RAB38: variants seen among roughly 807,000 people sequenced by gnomAD.
RAB38 encodes RAB38, member RAS oncogene family.
A neutral mutation model predicts 18.4 loss-of-function variants in RAB38; 15 were observed. The observed-to-expected ratio is 0.82, with a 90% CI of 0.55 to 1.26. The LOEUF is 1.26. RAB38 is among the 50% of genes most tolerant of loss of function. The pLI is 0.00. For synonymous variants in RAB38, 101 were observed against 104.4 expected, an observed-to-expected ratio of 0.97 and a Z score of 0.20; for missense variants, 294 against 267.4, an observed-to-expected ratio of 1.10 and a Z score of -0.69.
the RAB38 span, chr11:88,098,161 T>C: frequency 6.6e-6 from 1 of 151,932 alleles, no homozygotes; most frequent in Non-Finnish European, 1.5e-5. Flanking sequence ...GTCAGAAATT[T>C]GGTACACAGC....
At chr11:88,054,878 C>A in the RAB38 span, among the ~76,000 whole-genome samples, 3 of 152,088 alleles carry the variant, frequency 2.0e-5, no homozygotes, top group South Asian at 2.1e-4. Flanking sequence ...TAAGACAAAG[C>A]CTTGGGCATG....
the RAB38 span, among the ~76,000 whole-genome samples, chr11:88,018,234 C>T: frequency 4.6e-5 from 7 of 152,212 alleles, no homozygotes; most frequent in African/African-American, 1.4e-4. Context: ...AGTCTGTACC[C>T]GTATACACTT....
chr11:87,808,826 A>T, the RAB38 span, among the ~76,000 whole-genome samples: 2 of 152,262 alleles, frequency 1.3e-5, no homozygotes, highest in African/African-American at 4.8e-5. Flanking sequence ...AAAATACAAA[A>T]ATACATATAT....
chr11:87,837,679 A>G, the RAB38 span, among the ~76,000 whole-genome samples: 7 of 152,220 alleles, frequency 4.6e-5, no homozygotes. Flanking sequence ...TTTTATACAT[A>G]GGCTATCTAT....
chr11:87,862,368 A>T, the RAB38 span, among the ~76,000 whole-genome samples: 36,807 of 151,812 alleles, frequency 0.24, 5,816 homozygotes, highest in African/African-American at 0.45. Flanking sequence ...TGGGGCATGG[A>T]TGGGGGTGGA....
At chr11:87,856,338 T>C in the RAB38 span, among the ~76,000 whole-genome samples, 1 of 152,160 alleles carries the variant, frequency 6.6e-6, no homozygotes, top group Admixed American at 6.5e-5. Flanking sequence ...GAATCTTTTT[T>C]TAAAGATGGA....
At chr11:87,877,310 A>G in the RAB38 span, among the ~76,000 whole-genome samples, 1 of 151,576 alleles carries the variant, frequency 6.6e-6, no homozygotes, top group Admixed American at 6.6e-5. Context: ...TGTCATTAAC[A>G]AGATACTTAC....
the RAB38 span, among the ~76,000 whole-genome samples, chr11:88,004,316 T>G: frequency 6.6e-6 from 1 of 151,146 alleles, no homozygotes; most frequent in East Asian, 1.9e-4. Flanking sequence ...GTCCTACGAA[T>G]GCAAGTTTGA....
intron 2 of RAB38, among the ~76,000 whole-genome samples, chr11:88,143,060 G>T (rs1942935995): frequency 6.6e-6 from 1 of 152,158 alleles, no homozygotes; most frequent in Non-Finnish European, 1.5e-5. Flanking sequence ...ACTAGAAAAG[G>T]TTATACGGTA....
chr11:87,865,041 G>A, the RAB38 span, among the ~76,000 whole-genome samples: 1 of 151,710 alleles, frequency 6.6e-6, no homozygotes, highest in Admixed American at 6.6e-5. Flanking sequence ...TATTTTTACT[G>A]CACGTAATAT....
At chr11:87,976,834 A>T in the RAB38 span, among the ~76,000 whole-genome samples, 1 of 61,914 alleles carries the variant, frequency 1.6e-5, no homozygotes, top group African/African-American at 8.7e-5. Context: ...GTATAATATA[A>T]ATATATATTG....
chr11:88,062,764 C>G, the RAB38 span, among the ~76,000 whole-genome samples: 10 of 152,172 alleles, frequency 6.6e-5, no homozygotes, highest in Non-Finnish European at 1.0e-4. Flanking sequence ...TTCAGCAAGT[C>G]TTGGAGTTTC....
the RAB38 span, among the ~76,000 whole-genome samples, chr11:87,847,455 C>G: frequency 6.6e-6 from 1 of 152,092 alleles, no homozygotes; most frequent in South Asian, 2.1e-4. Context: ...AAAGAAAAAG[C>G]TGAATAGTCT....
chr11:87,960,104 T>A, the RAB38 span, among the ~76,000 whole-genome samples: 2 of 152,174 alleles, frequency 1.3e-5, no homozygotes, highest in Non-Finnish European at 2.9e-5. Flanking sequence ...AACCCAAATC[T>A]TGTCTCCATT....
chr11:87,936,688 G>T, the RAB38 span, among the ~76,000 whole-genome samples: 51 of 152,118 alleles, frequency 3.4e-4, no homozygotes, highest in African/African-American at 1.1e-3. Flanking sequence ...ATAAATTTTA[G>T]AATAGTTTTG....
At chr11:87,902,845 T>C in the RAB38 span, among the ~76,000 whole-genome samples, 1 of 150,638 alleles carries the variant, frequency 6.6e-6, no homozygotes, top group East Asian at 2.0e-4. Flanking sequence ...TTTATATGTA[T>C]ATTTTATATA....
the RAB38 span, among the ~76,000 whole-genome samples, chr11:87,885,147 T>C: frequency 2.7e-4 from 41 of 152,126 alleles, 1 homozygote; most frequent in South Asian, 8.3e-4. Context: ...TGCTACGTAA[T>C]CAAAATGATA....
chr11:88,105,096 G>C, the RAB38 span, among the ~76,000 whole-genome samples: 1 of 151,898 alleles, frequency 6.6e-6, no homozygotes, highest in Non-Finnish European at 1.5e-5. Context: ...AACACACTCT[G>C]ATTAAAGCAT....
intron 2 of RAB38, among the ~76,000 whole-genome samples, chr11:88,145,107 C>T (rs1433893958): frequency 1.3e-5 from 2 of 151,368 alleles, no homozygotes; most frequent in Non-Finnish European, 2.9e-5. Flanking sequence ...GTGGTGGGAT[C>T]AGATATTATG....
Sources: gnomAD v4.1 joint callset for allele counts (sites outside exome capture counted in the v4.1 genomes callset) on GRCh38, gnomAD v4.1.1 for gene constraint, MANE v1.5 for transcripts, NCBI Gene and HGNC (gene_info 2026-07-23, HGNC 2026-07-21) for gene names.